NCAPG: variants seen among roughly 807,000 people sequenced by gnomAD.
NCAPG encodes condensin complex subunit 3.
A neutral mutation model predicts 113.1 loss-of-function variants in NCAPG; 69 were observed. The ratio of observed to expected loss-of-function variants is 0.61; its 90% CI spans 0.50 to 0.75. The LOEUF (loss-of-function observed/expected upper bound fraction) is 0.75, where lower values mean the gene tolerates loss of function less well. Ranked by LOEUF, NCAPG falls within the 30% of genes least tolerant of loss-of-function variation. The pLI is 0.00. For synonymous variants in NCAPG, 370 were observed against 415.8 expected (o/e 0.89, Z 1.34); for missense variants, 1,058 against 1,177.0 (o/e 0.90, Z 1.48).
chr4:17,814,764 C>T, intron 3 of NCAPG, 89 bp from the exon 4 acceptor site: 4 of 1,386,650 alleles, frequency 2.9e-6, no homozygotes, highest in East Asian at 2.4e-5. Flanking sequence ...ACATTAAAGG[C>T]ATTTTAAAAT....
chr4:17,828,447 ATATGT>A, intron 12 of NCAPG, 59 bp downstream of exon 12: 2 of 943,600 alleles, frequency 2.1e-6, no homozygotes, highest in Non-Finnish European at 1.6e-6. Flanking sequence ...TTTGTAAGTG[ATATGT>A]TCTTTAGAAA....
At chr4:17,829,597 A>G (rs2109057141) in intron 12 of NCAPG, among the ~76,000 whole-genome samples, 1 of 152,338 alleles carries the variant, frequency 6.6e-6, no homozygotes, top group East Asian at 1.9e-4. Context: ...GAATGATCAT[A>G]ATGATTTTAA....
At chr4:17,820,254 A>T (rs1317817128) in intron 7 of NCAPG, among the ~76,000 whole-genome samples, 1 of 152,112 alleles carries the variant, frequency 6.6e-6, no homozygotes, top group African/African-American at 2.4e-5. Context: ...TCACTCTCTT[A>T]GTTTTGAAAT....
chr4:17,826,056 G>A (rs182130201), intron 11 of NCAPG, among the ~76,000 whole-genome samples: 2 of 152,108 alleles, frequency 1.3e-5, no homozygotes, highest in African/African-American at 4.8e-5. Flanking sequence ...ACTGAAATAT[G>A]TCTAGTAACA....
chr4:17,814,948 G>T lies in NCAPG; in HGVS notation c.640G>T (p.Val214Leu), dbSNP rs1721140770. The change falls in exon 4 of 21, where the codon GTA (valine) becomes TTA (leucine). Residue 214 changes from valine (V) to leucine (L), a missense_variant. Transcript: ENST00000251496. ...ATCAGCAAAGACTTTGCCAAAAATT[G>T]TAGGGCGCACCAAGGATGTGAAAGA... ...APSAKTLPKI[V>L]GRTKDVKEAV... The T allele has an allele frequency of 1.2e-6, 2 of 1,614,080 alleles. No homozygotes were observed. Among genetic ancestry groups the T allele is most frequent in the Non-Finnish European group, 1.7e-6 (2 of 1,180,038 alleles).
chr4:17,835,543 A>G (rs1722061479), intron 14 of NCAPG, among the ~76,000 whole-genome samples: 1 of 152,316 alleles, frequency 6.6e-6, no homozygotes. Context: ...TACATTCAAA[A>G]TGAAAGGCAA....
chr4:17,835,731 C>A (rs1270719136), intron 14 of NCAPG, among the ~76,000 whole-genome samples: 2 of 152,246 alleles, frequency 1.3e-5, no homozygotes, highest in South Asian at 2.1e-4. Flanking sequence ...CAGTATGTGA[C>A]CTCTGTTTAG....
At position 17,834,393 on chromosome 4, in the gene NCAPG, A is replaced by C; in HGVS notation, c.1979A>C (p.Lys660Thr). ...TTCGGGATTGAACCATTTAAAACTA[A>C]AAAAATCAAAACACTTCATTGTGAA... ...MTFGIEPFKTKKIKTLHCEGT... is the reference protein window; with the variant it reads ...MTFGIEPFKTTKIKTLHCEGT... Residue 660 changes from lysine to threonine, a missense_variant, in exon 14 of 21, where the codon AAA becomes ACA. By Grantham distance (78) the Lys-to-Thr change is moderately conservative (BLOSUM62 -1). Coordinates refer to ENST00000251496, the MANE Select transcript of NCAPG (RefSeq NM_022346.5). 6.2e-7 allele frequency: 1 copy of C among 1,611,626 alleles called. No homozygotes were observed. The highest frequency in any genetic ancestry group is 1.1e-5 in the South Asian group (1 of 90,732).
chr4:17,841,200 CTTT>C (rs1560234717), intron 19 of NCAPG: 2 of 151,868 alleles, frequency 1.3e-5, no homozygotes, highest in African/African-American at 4.8e-5. Context: ...AATTCAAGAT[CTTT>C]TTATTGTTTT....
chr4:17,834,613 A>G, intron 14 of NCAPG, 90 bp downstream of exon 14: 1 of 840,070 alleles, frequency 1.2e-6, no homozygotes, highest in African/African-American at 1.8e-5. Context: ...ATTATAGTTT[A>G]AGTCCTGTGA....
intron 13 of NCAPG, among the ~76,000 whole-genome samples, chr4:17,834,021 C>T (rs1270720952): frequency 6.6e-6 from 1 of 152,098 alleles, no homozygotes; most frequent in Non-Finnish European, 1.5e-5. Context: ...TAATATAATT[C>T]AGCCTGACTC....
At chr4:17,821,402 A>G (rs1721449471) in intron 7 of NCAPG, among the ~76,000 whole-genome samples, 1 of 149,528 alleles carries the variant, frequency 6.7e-6, no homozygotes, top group Non-Finnish European at 1.5e-5. Context: ...ACATGAGAGT[A>G]TACTCATTAT....
At chr4:17,813,334 C>G (rs111419091) in intron 3 of NCAPG, 189 bp downstream of exon 3, 15 of 428,194 alleles carry the variant, frequency 3.5e-5, no homozygotes, top group African/African-American at 2.5e-4. Context: ...GCATCCTATC[C>G]CAGTTGCATC....
chr4:17,839,040 G>C (rs745759301), intron 16 of NCAPG, among the ~76,000 whole-genome samples: 7 of 152,178 alleles, frequency 4.6e-5, no homozygotes, highest in Admixed American at 1.3e-4. Context: ...TGAGAGGCAA[G>C]GGAGATGGAG....
At chr4:17,842,038 CT>C (rs778769179) in intron 19 of NCAPG, 6 of 352,268 alleles carry the variant, frequency 1.7e-5, no homozygotes, top group Non-Finnish European at 1.6e-5. Context: ...ATACATTGAA[CT>C]AAAATTTGCC....
rs116754963 is a variant in NCAPG, at chr4:17,839,302, G to C, written c.2467-374G>C. Among the ~76,000 whole-genome samples, 313 of 152,306 alleles carry C rather than the reference G, an allele frequency of 2.1e-3. 1 individual carries two copies. The highest frequency in any genetic ancestry group is 7.4e-3 in the African/African-American group (306 of 41,572). ...GCTGAAACACTGTACTTGTGCACGG[G>C]CCAGTCATTGGATTTGGACAAATCT... On this transcript the variant is annotated intron_variant, in intron 16 of 20. Coordinates refer to ENST00000251496, the MANE Select transcript of NCAPG (RefSeq NM_022346.5).
chr4:17,826,983 C>T (rs902556370), intron 11 of NCAPG, among the ~76,000 whole-genome samples: 1 of 152,116 alleles, frequency 6.6e-6, no homozygotes, highest in Non-Finnish European at 1.5e-5. Context: ...GTAACTTGCC[C>T]AAAATCACAC....
intron 9 of NCAPG, among the ~76,000 whole-genome samples, chr4:17,824,742 C>T (rs1470369668): frequency 6.6e-6 from 1 of 151,936 alleles, no homozygotes; most frequent in African/African-American, 2.4e-5. Context: ...TGTCTGTGTG[C>T]CTATTTCCCT....
chr4:17,820,141 G>A (rs1405385484), intron 7 of NCAPG, among the ~76,000 whole-genome samples: 1 of 152,100 alleles, frequency 6.6e-6, no homozygotes, highest in African/African-American at 2.4e-5. Flanking sequence ...ATATTTAAAT[G>A]GCATAAAGGG....
Sources: gnomAD v4.1 joint callset for allele counts (sites outside exome capture counted in the v4.1 genomes callset) on GRCh38, gnomAD v4.1.1 for gene constraint, MANE v1.5 for transcripts, NCBI Gene and HGNC (gene_info 2026-07-23, HGNC 2026-07-21) for gene names.